The following PDE1B variants were observed in gnomAD, a reference collection of about 807,000 sequenced individuals.
The protein encoded by PDE1B is phosphodiesterase 1B.
A neutral mutation model predicts 66.7 loss-of-function variants in PDE1B; 13 were observed. The ratio of observed to expected loss-of-function variants is 0.19; its 90% CI spans 0.13 to 0.31. PDE1B has a LOEUF of 0.31. Among genes scored for constraint, PDE1B ranks in the 10% least tolerant of loss-of-function variants. The pLI is 1.00. For synonymous variants in PDE1B, 230 were observed against 253.9 expected (o/e 0.91, Z 0.90); for missense variants, 485 against 682.3 (o/e 0.71, Z 3.22).
intron 10 of PDE1B, chr12:54,574,154 T>G (rs971516161): frequency 5.3e-6 from 1 of 190,212 alleles, no homozygotes. Flanking sequence ...CATACGAGGT[T>G]TAAAAAAATG....
At position 54,572,612 on chromosome 12, in the gene PDE1B, G is replaced by A; in HGVS notation, c.606G>A (p.Val202=). Residue 202 remains valine (V), a synonymous_variant, in exon 7 of 16, where the codon GTG becomes GTA. Coordinates refer to ENST00000243052, the MANE Select transcript of PDE1B (RefSeq NM_000924.4). ...CTAACTCCCCGCAGATTCCCACTGT[G>A]TTTTTGATGAGTTTCCTGGATGCCT... The part of the protein sequence containing the change: ...NLISRFKIPT[V]FLMSFLDALE... 6.2e-7 allele frequency: 1 copy of A among 1,614,042 alleles called. No individual in the cohort carries two copies. The highest frequency in any genetic ancestry group is 8.5e-7 in the Non-Finnish European group (1 of 1,179,910).
chr12:54,575,792 C>A lies in PDE1B; in HGVS notation c.1267+160C>A. 1.4e-6 allele frequency: 1 copy of A among 720,374 alleles called. No homozygotes were observed. The highest frequency in any genetic ancestry group is 1.6e-5 in the South Asian group (1 of 61,758). 44.6% of individuals were successfully genotyped at this position (720,374 alleles called of 1,614,324 possible). On this transcript the variant is annotated intron_variant, in intron 12 of 15. Transcript: ENST00000243052. This position sits in a 1 kb window ranked among gnomAD's most constrained non-coding sequence, Gnocchi z 4.0. ...GGTCCTGGGTTAGGAGGCCAGGGGG[C>A]TGCAATGGCAGGAAGGAGCTCTCTG...
At chr12:54,558,231 G>A (rs1957365258) in intron 2 of PDE1B, among the ~76,000 whole-genome samples, 1 of 151,578 alleles carries the variant, frequency 6.6e-6, no homozygotes, top group African/African-American at 2.4e-5. Flanking sequence ...TTTCCTCCCT[G>A]CCCCCTTAAT....
chr12:54,554,337 G>A (rs1048191842), intron 2 of PDE1B: 4 of 152,182 alleles, frequency 2.6e-5, no homozygotes, highest in African/African-American at 9.7e-5. Context: ...TGGTTCCCTG[G>A]ACCTCTGGAG....
intron 2 of PDE1B, chr12:54,561,365 C>G (rs191694873): frequency 1.3e-6 from 1 of 785,752 alleles, no homozygotes; most frequent in South Asian, 4.6e-5. Context: ...TTCCCGCAGC[C>G]TCCCCTCTCA....
rs1957734489 is a variant in PDE1B, at chr12:54,575,983, C to T, written c.1268-9C>T. On this transcript the variant is annotated splice_polypyrimidine_tract_variant and intron_variant, in intron 12 of 15. Coordinates refer to ENST00000243052, the MANE Select transcript of PDE1B (RefSeq NM_000924.4). The surrounding 1 kb of genome is among the most constrained non-coding windows in gnomAD (Gnocchi z 4.0). ...AAGACATCTCTACGGCATTGCTCCT[C>T]CACTGCAGGGTTCATCGACTTCATT... 2 of 1,583,164 alleles carry T rather than the reference C, an allele frequency of 1.3e-6. No individual in the cohort carries two copies. The highest frequency in any genetic ancestry group is 1.7e-6 in the Non-Finnish European group (2 of 1,151,742).
intron 2 of PDE1B, chr12:54,561,422 T>C: frequency 7.9e-7 from 1 of 1,263,186 alleles, no homozygotes; most frequent in Non-Finnish European, 1.0e-6. Context: ...CTCTTCTTCC[T>C]GCAGCCAGGC....
intron 2 of PDE1B, among the ~76,000 whole-genome samples, chr12:54,557,183 A>C (rs1177541705): frequency 6.6e-6 from 1 of 152,220 alleles, no homozygotes; most frequent in East Asian, 1.9e-4. Context: ...GAAGATGTAT[A>C]ATAAATCAAA....
rs1957706642 is a variant in PDE1B, at chr12:54,575,003, T to TA, written c.1065-94dup. On this transcript the variant is annotated intron_variant, in intron 10 of 15. Transcript: ENST00000243052. The surrounding 1 kb of genome is among the most constrained non-coding windows in gnomAD (Gnocchi z 4.0). ...AAAAAAAAAAAAAAAAGGAAGAAGTTATGTGATAGGGTGTGCGTGGGAAGT... is the reference window on the plus strand; with the variant it reads ...AAAAAAAAAAAAAAAAGGAAGAAGTTAATGTGATAGGGTGTGCGTGGGAAGT... 3 of 1,014,114 alleles carry TA rather than the reference T, an allele frequency of 3.0e-6. No individual in the cohort carries two copies. In the Admixed American group the frequency reaches 7.0e-5, roughly 24 times the overall value. The allele number at this position is 1,014,114 out of a possible 1,614,324, so 62.8% of individuals were successfully genotyped here.
rs756000087 is a variant in PDE1B at position 54,575,680 on chromosome 12, A to G, written c.1267+48A>G. 11 of 1,315,590 alleles carry G rather than the reference A, an allele frequency of 8.4e-6. No individual in the cohort carries two copies. In the South Asian group the frequency reaches 1.3e-4, roughly 15 times the overall value. 81.5% of individuals were successfully genotyped at this position (1,315,590 alleles called of 1,614,324 possible). ...AGGGGAGGACTGGGAGGGGGAAAAGATGCTGCCTGGGTCAGGATTGCTCCA... is the reference window on the plus strand; with the variant it reads ...AGGGGAGGACTGGGAGGGGGAAAAGGTGCTGCCTGGGTCAGGATTGCTCCA... On this transcript the variant is annotated intron_variant, in intron 12 of 15. Coordinates refer to ENST00000243052, the MANE Select transcript of PDE1B (RefSeq NM_000924.4). The surrounding 1 kb of genome is among the most constrained non-coding windows in gnomAD (Gnocchi z 4.0).
chr12:54,568,528 G>T (rs1957557645), intron 3 of PDE1B, among the ~76,000 whole-genome samples: 1 of 148,982 alleles, frequency 6.7e-6, no homozygotes, highest in Non-Finnish European at 1.5e-5. Context: ...ATGTTGAAAT[G>T]ATATTTTGGA....
intron 2 of PDE1B, among the ~76,000 whole-genome samples, chr12:54,566,489 C>G (rs1048359247): frequency 6.6e-6 from 1 of 152,212 alleles, no homozygotes; most frequent in Admixed American, 6.5e-5. Flanking sequence ...CCCCCACCCC[C>G]CACACCATGA....
chr12:54,573,279 G>T lies in PDE1B; in HGVS notation c.836+31G>T, dbSNP rs749926429. On this transcript the variant is annotated intron_variant, in intron 8 of 15. Coordinates refer to ENST00000243052, the MANE Select transcript of PDE1B (RefSeq NM_000924.4). This position sits in a 1 kb window ranked among gnomAD's most constrained non-coding sequence, Gnocchi z 5.2. ...GGGTGGGGATGTGGCAGGGGCAGGA[G>T]GGGCCAAGAGGAGGTGGGGAGGTTG... The T allele has an allele frequency of 6.2e-7, 1 of 1,612,642 alleles. No individual in the cohort carries two copies. The highest frequency in any genetic ancestry group is 1.7e-5 in the Admixed American group (1 of 60,018).
At position 54,573,531 on chromosome 12, in the gene PDE1B, C is replaced by T; in HGVS notation, c.962+51C>T. On this transcript the variant is annotated intron_variant, in intron 9 of 15. Coordinates refer to ENST00000243052, the MANE Select transcript of PDE1B (RefSeq NM_000924.4). The surrounding 1 kb of genome is among the most constrained non-coding windows in gnomAD (Gnocchi z 5.2). ...CCCTAAGAGACTCCCTTACCACAAA[C>T]TCCATTTTCCACTTCCTGGACCTCC... 6.2e-7 allele frequency: 1 copy of T among 1,613,170 alleles called. No individual in the cohort carries two copies. The highest frequency in any genetic ancestry group is 8.5e-7 in the Non-Finnish European group (1 of 1,179,064).
chr12:54,556,376 T>G (rs906829064), intron 2 of PDE1B, among the ~76,000 whole-genome samples: 1 of 152,090 alleles, frequency 6.6e-6, no homozygotes, highest in South Asian at 2.1e-4. Flanking sequence ...AAAGAGTGAC[T>G]GAGAAGGGAA....
At chr12:54,554,117 A>AT (rs1435216481) in intron 2 of PDE1B, 1 of 152,160 alleles carries the variant, frequency 6.6e-6, no homozygotes, top group Admixed American at 6.5e-5. Flanking sequence ...TGACACTGAG[A>AT]TTTTTTGACA....
In PDE1B at chr12:54,573,618, G is replaced by T; in HGVS notation, c.973G>T (p.Ala325Ser). ...LTKDEFVELRALVIEMVLATD... is the reference protein window; with the variant it reads ...LTKDEFVELRSLVIEMVLATD... ...TTTATGTCCGCTCAGAGAACTCCGAGCCCTGGTCATTGAGATGGTGTTGGC... is the reference window on the plus strand; with the variant it reads ...TTTATGTCCGCTCAGAGAACTCCGATCCCTGGTCATTGAGATGGTGTTGGC... Residue 325 changes from alanine to serine, a missense_variant, in exon 10 of 16, where the codon GCC (alanine) becomes TCC (serine). Physicochemically the swap from Ala to Ser is moderately conservative, Grantham distance 99 (BLOSUM62 1). Coordinates refer to ENST00000243052, the MANE Select transcript of PDE1B (RefSeq NM_000924.4). This position sits in a 1 kb window ranked among gnomAD's most constrained non-coding sequence, Gnocchi z 5.2. 6.2e-7 allele frequency: 1 copy of T among 1,614,064 alleles called. No individual in the cohort carries two copies. Among genetic ancestry groups the T allele is most frequent in the Non-Finnish European group, 8.5e-7 (1 of 1,179,968 alleles).
intron 13 of PDE1B, 131 bp from the exon 14 acceptor site, chr12:54,576,440 T>C: frequency 9.8e-7 from 1 of 1,023,108 alleles, no homozygotes; most frequent in Non-Finnish European, 1.4e-6. Context: ...GAATATCTAG[T>C]AGAGGAAAAG....
rs1290189852 is a variant in PDE1B, at chr12:54,578,020, C to T, written c.*178C>T. On this transcript the variant is annotated 3_prime_UTR_variant, in exon 16 of 16. Coordinates refer to ENST00000243052, the MANE Select transcript of PDE1B (RefSeq NM_000924.4). ...GAAAGGGCCCCTCCCCACCTGACAC[C>T]CACTGGGGTGCACTTTAATGTTCCG... 6.5e-6 allele frequency: 1 copy of T among 153,034 alleles called. No homozygotes were observed. Among genetic ancestry groups the T allele is most frequent in the Non-Finnish European group, 1.5e-5 (1 of 68,646 alleles). The allele number at this position is 153,034 out of a possible 1,614,324, so 9.5% of individuals were successfully genotyped here. A position where few individuals can be genotyped will look rare whatever the true frequency, so the allele number is the denominator to read the frequency against.
Sources: allele counts gnomAD v4.1 joint callset (sites outside exome capture counted in the v4.1 genomes callset), GRCh38; gene constraint gnomAD v4.1.1; non-coding constraint Gnocchi (gnomAD v3.1); transcripts MANE v1.5; gene names NCBI Gene and HGNC (gene_info 2026-07-23, HGNC 2026-07-21).